Variants in CDH4 observed in about 807,000 individuals in gnomAD.
CDH4 encodes cadherin 4.
A neutral mutation model predicts 86.0 loss-of-function variants in CDH4; 33 were observed. That is an observed-to-expected ratio of 0.38 (90% CI 0.29 to 0.51). The LOEUF is 0.51. Ranked by LOEUF, CDH4 falls within the 20% of genes least tolerant of loss-of-function variation. The pLI is 0.86. For synonymous variants in CDH4, 555 were observed against 549.4 expected, an observed-to-expected ratio of 1.01 and a Z score of -0.14; for missense variants, 1,114 against 1,307.4, an observed-to-expected ratio of 0.85 and a Z score of 2.28.
intron 4 of CDH4, among the ~76,000 whole-genome samples, chr20:61,828,831 C>A (rs1227124962): frequency 6.6e-6 from 1 of 152,230 alleles, no homozygotes; most frequent in South Asian, 2.1e-4. Flanking sequence ...AGTCCCTAAC[C>A]TTTTTGGCAC....
Position 61,693,719 on chromosome 20 carries a change from C to T in CDH4, c.170-49844C>T, listed in dbSNP as rs181209327. On this transcript the variant is annotated intron_variant, in intron 2 of 15. Transcript: ENST00000614565. ...CTCATCCACCTGGGCATCCCCAGCA[C>T]CTAGAGCCCAACAACAGGCAGAAGT... 1.2e-3 allele frequency among the ~76,000 whole-genome samples: 179 copies of T among 152,308 alleles called. 1 individual carries two copies. The highest frequency in any genetic ancestry group is 4.1e-3 in the African/African-American group (171 of 41,564).
chr20:61,910,892 T>C (rs1432200931), intron 9 of CDH4, among the ~76,000 whole-genome samples: 3 of 152,238 alleles, frequency 2.0e-5, no homozygotes, highest in Admixed American at 2.0e-4. Context: ...CGAATTTCAT[T>C]ATTAGAATTC....
chr20:61,718,516 C>A lies in CDH4; in HGVS notation c.170-25047C>A, dbSNP rs1385380726. On this transcript the variant is annotated intron_variant, in intron 2 of 15. Coordinates refer to ENST00000614565, the MANE Select transcript of CDH4 (RefSeq NM_001794.5). ...GTGCCAGGACAGTGCCGTCCCATAT[C>A]CCAGGCCGTGCTTCCCTTCCTGGAA... 3 of 322,768 alleles carry A rather than the reference C, an allele frequency of 9.3e-6. No homozygotes were observed. In the Admixed American group the frequency reaches 1.2e-4, roughly 12 times the overall value. The allele number at this position is 322,768 out of a possible 1,614,324, so 20.0% of individuals were successfully genotyped here. A position where few individuals can be genotyped will look rare whatever the true frequency, so the allele number is the denominator to read the frequency against.
chr20:61,690,280 G>A (rs1415806693), intron 2 of CDH4, among the ~76,000 whole-genome samples: 10 of 152,284 alleles, frequency 6.6e-5, no homozygotes, highest in African/African-American at 2.2e-4. Flanking sequence ...ATCAGGCTGG[G>A]ACCCTCTGCT....
At chr20:61,724,130 G>A (rs1469969843) in intron 2 of CDH4, among the ~76,000 whole-genome samples, 3 of 146,578 alleles carry the variant, frequency 2.0e-5, no homozygotes, top group Non-Finnish European at 4.5e-5. Flanking sequence ...CCATGTGGCA[G>A]GGGGGTGGGT....
chr20:61,349,794 C>G lies in CDH4; in HGVS notation c.169+94857C>G, dbSNP rs146748857. 4.0e-4 allele frequency among the ~76,000 whole-genome samples: 61 copies of G among 152,278 alleles called. No individual in the cohort carries two copies. In the South Asian group the frequency reaches 0.012, roughly 31 times the overall value. ...AGACCCCTCTGAGGCCAACCATGTA[C>G]GTGGAAAGGAGCATGTGCTCCTAAG... On this transcript the variant is annotated intron_variant, in intron 2 of 15. Transcript: ENST00000614565.
chr20:61,460,402 A>G (rs564320552), intron 2 of CDH4, among the ~76,000 whole-genome samples: 3 of 152,254 alleles, frequency 2.0e-5, no homozygotes, highest in South Asian at 4.1e-4. Context: ...GGCCCCAGAA[A>G]CCTTGATGCC....
At chr20:61,916,458 C>T (rs2054904464) in intron 9 of CDH4, among the ~76,000 whole-genome samples, 1 of 152,228 alleles carries the variant, frequency 6.6e-6, no homozygotes. Context: ...AATGATTTGG[C>T]ACAGTGCCCG....
Position 61,681,553 on chromosome 20 carries a change from A to G in CDH4, c.170-62010A>G, listed in dbSNP as rs1467539104. Among the ~76,000 whole-genome samples the G allele has an allele frequency of 6.6e-6, 1 of 152,044 alleles. No homozygotes were observed. The highest frequency in any genetic ancestry group is 2.4e-5 in the African/African-American group (1 of 41,384). ...TTTTAAGGAATCTGTTAGCTCCCGAACTCTTGTTCCAAGGGGTAGGAGAAA... is the reference window on the plus strand; with the variant it reads ...TTTTAAGGAATCTGTTAGCTCCCGAGCTCTTGTTCCAAGGGGTAGGAGAAA... On this transcript the variant is annotated intron_variant, in intron 2 of 15. Transcript: ENST00000614565. This position sits in a 1 kb window ranked among gnomAD's most constrained non-coding sequence, Gnocchi z 4.5.
At chr20:61,823,936 T>A (rs1981187063) in intron 4 of CDH4, among the ~76,000 whole-genome samples, 1 of 152,232 alleles carries the variant, frequency 6.6e-6, no homozygotes, top group Non-Finnish European at 1.5e-5. Flanking sequence ...AGGCATGTTT[T>A]ATTGAGATTG....
intron 4 of CDH4, among the ~76,000 whole-genome samples, chr20:61,798,869 C>T (rs1243051047): frequency 1.3e-5 from 2 of 152,210 alleles, no homozygotes; most frequent in Admixed American, 6.5e-5. Flanking sequence ...CACGTCGATG[C>T]GTCCTTTCCA....
At position 61,818,730 on chromosome 20, in the gene CDH4, G is replaced by C. The variant is rs537377867; in HGVS notation, c.577-25938G>C. Among the ~76,000 whole-genome samples, 8 of 150,588 alleles carry C rather than the reference G, an allele frequency of 5.3e-5. No homozygotes were observed. In the East Asian group the frequency reaches 7.8e-4, roughly 15 times the overall value. On this transcript the variant is annotated intron_variant, in intron 4 of 15. Coordinates refer to ENST00000614565, the MANE Select transcript of CDH4 (RefSeq NM_001794.5). ...AGCGGGAAGTTGCTCTCCGCGTCTT[G>C]TATGGGCCTAGGAGTGTTTCAGGCC...
intron 2 of CDH4, among the ~76,000 whole-genome samples, chr20:61,497,901 T>C (rs1002294760): frequency 6.6e-6 from 1 of 152,028 alleles, no homozygotes; most frequent in Non-Finnish European, 1.5e-5. Flanking sequence ...GTTCATGTCC[T>C]TTGTAGGGAC....
chr20:61,525,677 C>G (rs533055619), intron 2 of CDH4, among the ~76,000 whole-genome samples: 1 of 152,302 alleles, frequency 6.6e-6, no homozygotes, highest in East Asian at 1.9e-4. Flanking sequence ...TCCTTACTTA[C>G]TGTTATGTTC....
At chr20:61,289,160 C>A (rs6101295) in intron 2 of CDH4, among the ~76,000 whole-genome samples, 13,981 of 152,188 alleles carry the variant, frequency 0.092, 707 homozygotes, top group African/African-American at 0.11. Flanking sequence ...AACGGGGTGC[C>A]CCACTGCACC....
chr20:61,595,506 G>A (rs1315301900), intron 2 of CDH4, among the ~76,000 whole-genome samples: 1 of 151,980 alleles, frequency 6.6e-6, no homozygotes, highest in Admixed American at 6.5e-5. Context: ...TGCGTCGTGT[G>A]GGAACACCCC....
chr20:61,389,614 T>C (rs545105131), intron 2 of CDH4, among the ~76,000 whole-genome samples: 1 of 152,208 alleles, frequency 6.6e-6, no homozygotes. Flanking sequence ...GTCTTCATTG[T>C]TGTTCTATAG....
chr20:61,406,708 G>T (rs1254312121), intron 2 of CDH4, among the ~76,000 whole-genome samples: 1 of 130,008 alleles, frequency 7.7e-6, no homozygotes, highest in Non-Finnish European at 1.6e-5. Flanking sequence ...CATCTGCTCT[G>T]CCTGGACCAC....
intron 2 of CDH4, among the ~76,000 whole-genome samples, chr20:61,688,371 A>C (rs554873827): frequency 8.2e-4 from 125 of 151,632 alleles, no homozygotes; most frequent in Non-Finnish European, 1.2e-3. Flanking sequence ...CCCACCACCC[A>C]GTGCCTCAAG....
Sources: allele counts gnomAD v4.1 joint callset (sites outside exome capture counted in the v4.1 genomes callset), GRCh38; gene constraint gnomAD v4.1.1; non-coding constraint Gnocchi (gnomAD v3.1); transcripts MANE v1.5; gene names NCBI Gene and HGNC (gene_info 2026-07-23, HGNC 2026-07-21).